Variants in NCKAP5 observed in about 807,000 individuals in gnomAD.
NCKAP5 encodes NCK associated protein 5.
NCKAP5 carries 92 observed loss-of-function variants against 167.0 expected under a neutral mutation model. That is an observed-to-expected ratio of 0.55 (90% CI 0.47 to 0.66). The LOEUF is 0.66. Among genes scored for constraint, NCKAP5 ranks in the 30% least tolerant of loss-of-function variants. NCKAP5 has a pLI of 0.00. For synonymous variants in NCKAP5, 891 were observed against 877.4 expected, an observed-to-expected ratio of 1.02 and a Z score of -0.27; for missense variants, 2,378 against 2,315.0, an observed-to-expected ratio of 1.03 and a Z score of -0.56.
chr2:132,881,629 G>A (rs928639944), intron 8 of NCKAP5, among the ~76,000 whole-genome samples: 1 of 146,096 alleles, frequency 6.8e-6, no homozygotes, highest in Admixed American at 7.0e-5. Context: ...GGCTTCTCTG[G>A]AGCTCCCTCA....
intron 3 of NCKAP5, among the ~76,000 whole-genome samples, chr2:133,496,520 T>A (rs933472877): frequency 2.4e-4 from 37 of 152,180 alleles, no homozygotes; most frequent in Admixed American, 2.6e-4. Context: ...ACATAGCAAC[T>A]ACTACAAAAA....
intron 9 of NCKAP5, among the ~76,000 whole-genome samples, chr2:132,874,812 G>C (rs1475248714): frequency 6.6e-6 from 1 of 152,100 alleles, no homozygotes; most frequent in Admixed American, 6.5e-5. Context: ...TGAGGTCTAC[G>C]GATATGCAAT....
chr2:133,575,052 TC>T, the NCKAP5 span, among the ~76,000 whole-genome samples: 1 of 152,278 alleles, frequency 6.6e-6, no homozygotes, highest in East Asian at 1.9e-4. Flanking sequence ...TTACTCTTTC[TC>T]CCGGGAAAAA....
intron 6 of NCKAP5, among the ~76,000 whole-genome samples, chr2:133,061,179 T>C (rs2079988196): frequency 6.6e-6 from 1 of 152,232 alleles, no homozygotes; most frequent in East Asian, 1.9e-4. Flanking sequence ...CAAGTTCCAA[T>C]GCATTTGGAC....
chr2:132,852,993 A>C (rs971296278), intron 11 of NCKAP5, among the ~76,000 whole-genome samples: 3 of 152,238 alleles, frequency 2.0e-5, no homozygotes, highest in African/African-American at 7.2e-5. Context: ...GTACACTACC[A>C]AGGACATAGT....
the NCKAP5 span, among the ~76,000 whole-genome samples, chr2:133,615,601 C>T: frequency 1.3e-5 from 2 of 152,214 alleles, no homozygotes; most frequent in African/African-American, 4.8e-5. Flanking sequence ...GAAGAGCTAA[C>T]TATCCTAAAT....
At chr2:133,393,552 T>C (rs1447931034) in intron 3 of NCKAP5, among the ~76,000 whole-genome samples, 2 of 152,228 alleles carry the variant, frequency 1.3e-5, no homozygotes, top group African/African-American at 4.8e-5. Context: ...CAGGGAACTA[T>C]TGCTGTTTAT....
the NCKAP5 span, among the ~76,000 whole-genome samples, chr2:133,597,990 G>T: frequency 6.6e-6 from 1 of 152,176 alleles, no homozygotes; most frequent in Non-Finnish European, 1.5e-5. Flanking sequence ...ACCCACCTGG[G>T]TAAACTGGGA....
intron 3 of NCKAP5, among the ~76,000 whole-genome samples, chr2:133,498,480 AAGGC>A (rs60553398): frequency 0.036 from 3,628 of 101,258 alleles, 90 homozygotes; most frequent in Non-Finnish European, 0.042. Flanking sequence ...GGAAGGAAGG[AAGGC>A]AGGCAGGCAG....
chr2:133,110,705 G>A (rs1356957907), intron 6 of NCKAP5, among the ~76,000 whole-genome samples: 3 of 152,124 alleles, frequency 2.0e-5, no homozygotes, highest in African/African-American at 7.2e-5. Context: ...ACCCAAGGAA[G>A]CGTGCCACAT....
intron 3 of NCKAP5, among the ~76,000 whole-genome samples, chr2:133,483,414 C>A (rs916649831): frequency 2.0e-5 from 3 of 152,150 alleles, no homozygotes; most frequent in Non-Finnish European, 4.4e-5. Flanking sequence ...CATACAGGAG[C>A]AGTCTAAGTC....
intron 4 of NCKAP5, among the ~76,000 whole-genome samples, chr2:133,243,660 G>T (rs2087835486): frequency 6.6e-6 from 1 of 152,182 alleles, no homozygotes; most frequent in Non-Finnish European, 1.5e-5. Context: ...GCAAGCTGAA[G>T]CTATCATATT....
At chr2:133,122,165 G>T (rs1574093565) in intron 6 of NCKAP5, 1 of 152,096 alleles carries the variant, frequency 6.6e-6, no homozygotes, top group Non-Finnish European at 1.5e-5. Flanking sequence ...TTACATGAGG[G>T]TCAATGATTG....
intron 3 of NCKAP5, among the ~76,000 whole-genome samples, chr2:133,464,143 G>A (rs1266403130): frequency 6.6e-6 from 1 of 152,054 alleles, no homozygotes; most frequent in Non-Finnish European, 1.5e-5. Flanking sequence ...GAGTCCTCTG[G>A]GCTTCTGGGA....
At chr2:133,372,618 AG>A (rs1231194972) in intron 3 of NCKAP5, among the ~76,000 whole-genome samples, 1 of 152,204 alleles carries the variant, frequency 6.6e-6, no homozygotes, top group African/African-American at 2.4e-5. Flanking sequence ...AAACTATTTG[AG>A]GGTTCACTGA....
At chr2:132,841,228 T>C (rs867855988) in intron 11 of NCKAP5, among the ~76,000 whole-genome samples, 1 of 130,004 alleles carries the variant, frequency 7.7e-6, no homozygotes, top group African/African-American at 3.7e-5. Flanking sequence ...TACAATTCCA[T>C]TTTTTTGTGT....
At chr2:133,535,139 G>A (rs1427744393) in intron 2 of NCKAP5, among the ~76,000 whole-genome samples, 3 of 152,106 alleles carry the variant, frequency 2.0e-5, no homozygotes, top group Non-Finnish European at 4.4e-5. Context: ...TGTTTTAAAG[G>A]GTTATGTAAA....
chr2:133,192,506 T>A (rs1052630768), intron 5 of NCKAP5, among the ~76,000 whole-genome samples: 5 of 151,952 alleles, frequency 3.3e-5, no homozygotes, highest in African/African-American at 1.2e-4. Flanking sequence ...CCACATATAC[T>A]ACCAAGGACT....
At chr2:133,007,031 C>T (rs767541714) in intron 6 of NCKAP5, among the ~76,000 whole-genome samples, 39 of 152,170 alleles carry the variant, frequency 2.6e-4, no homozygotes, top group African/African-American at 8.4e-4. Context: ...AGAAAAGTCG[C>T]TCTACCAAAT....
Sources: allele counts gnomAD v4.1 joint callset (sites outside exome capture counted in the v4.1 genomes callset), GRCh38; gene constraint gnomAD v4.1.1; transcripts MANE v1.5; gene names NCBI Gene and HGNC (gene_info 2026-07-23, HGNC 2026-07-21).